The following MOK variants were observed in gnomAD, a reference collection of about 807,000 sequenced individuals.
The protein encoded by MOK is MAPK/MAK/MRK overlapping kinase.
In MOK, 59 loss-of-function variants were observed where a neutral mutation model predicts 54.2. The ratio of observed to expected loss-of-function variants is 1.09; its 90% CI spans 0.88 to 1.35. The LOEUF is 1.35. MOK is among the 40% of genes most tolerant of loss of function. The probability of loss-of-function intolerance (pLI) is 0.00; values close to 1 mark genes in which losing one functional copy is unlikely to be tolerated. For synonymous variants in MOK, 210 were observed against 202.7 expected (o/e 1.04, Z -0.31); for missense variants, 517 against 526.2 (o/e 0.98, Z 0.17).
intron 7 of MOK, chr14:102,246,191 C>A (rs1330741141): frequency 6.6e-6 from 1 of 152,116 alleles, no homozygotes; most frequent in African/African-American, 2.4e-5. Flanking sequence ...AACATTCCCA[C>A]ATCCTCCCTA....
At chr14:102,255,033 A>C (rs972259160) in intron 4 of MOK, among the ~76,000 whole-genome samples, 6 of 152,226 alleles carry the variant, frequency 3.9e-5, no homozygotes, top group Admixed American at 3.3e-4. Context: ...ATCACCTAGA[A>C]GTCTTTTAAA....
chr14:102,220,894 C>CT (rs753942062), downstream of MOK, among the ~76,000 whole-genome samples: 4 of 152,106 alleles, frequency 2.6e-5, no homozygotes, highest in Admixed American at 1.3e-4. This position sits in a 1 kb window ranked among gnomAD's most constrained non-coding sequence, Gnocchi z 4.2. Context: ...ACACAGCCTC[C>CT]TGAGTAGCTG....
In MOK at chr14:102,231,857, T is replaced by TGA. The variant is rs1241433137; in HGVS notation, c.867-38_867-37dup. On this transcript the variant is annotated intron_variant, in intron 9 of 11. Coordinates refer to ENST00000361847, the MANE Select transcript of MOK (RefSeq NM_014226.3). The surrounding 1 kb of genome is among the most constrained non-coding windows in gnomAD (Gnocchi z 4.4). ...GGAGAAGAGAATGGAGCAGCTCCAC[T>TGA]GAGAGCCCGCAGAGCACACGGCCTA... The TGA allele has an allele frequency of 1.3e-6, 2 of 1,574,262 alleles. No individual in the cohort carries two copies. The highest frequency in any genetic ancestry group is 1.7e-6 in the Non-Finnish European group (2 of 1,146,472).
rs150578240 is a variant in MOK at position 102,287,375 on chromosome 14, G to T, written c.8-3783C>A. ...TCCCAGCACTTTGGGAGGCCGAGACGGGCAGATCACGAGGTCAGGAGTTCA... is the reference window on the plus strand; with the variant it reads ...TCCCAGCACTTTGGGAGGCCGAGACTGGCAGATCACGAGGTCAGGAGTTCA... On this transcript the variant is annotated intron_variant, in intron 1 of 11. Coordinates refer to ENST00000361847, the MANE Select transcript of MOK (RefSeq NM_014226.3). 1.5e-3 allele frequency among the ~76,000 whole-genome samples: 230 copies of T among 152,196 alleles called. 1 individual carries two copies. Among genetic ancestry groups the T allele is most frequent in the African/African-American group, 5.2e-3 (218 of 41,530 alleles).
downstream of MOK, chr14:102,222,752 C>G: frequency 2.6e-6 from 4 of 1,523,576 alleles, no homozygotes; most frequent in East Asian, 6.8e-5. The surrounding 1 kb of genome is among the most constrained non-coding windows in gnomAD (Gnocchi z 4.4). Flanking sequence ...CCACGTGGAG[C>G]TGCTGGCGGA....
At chr14:102,266,831 C>A (rs1408913349) in intron 2 of MOK, among the ~76,000 whole-genome samples, 1 of 152,202 alleles carries the variant, frequency 6.6e-6, no homozygotes, top group Non-Finnish European at 1.5e-5. Flanking sequence ...ATCCACCCAC[C>A]TTGGCCTCCC....
chr14:102,256,466 C>A (rs1044332269), intron 4 of MOK, among the ~76,000 whole-genome samples: 4 of 151,236 alleles, frequency 2.6e-5, no homozygotes, highest in Non-Finnish European at 4.4e-5. Context: ...CCCAGCTACT[C>A]GGGAGGCTGA....
chr14:102,274,492 G>C (rs2068671015), intron 2 of MOK, among the ~76,000 whole-genome samples: 1 of 151,356 alleles, frequency 6.6e-6, no homozygotes, highest in East Asian at 2.0e-4. Context: ...CTGGGCTCAA[G>C]TGATCAGCCC....
At chr14:102,255,034 G>A (rs1458122413) in intron 4 of MOK, among the ~76,000 whole-genome samples, 1 of 152,128 alleles carries the variant, frequency 6.6e-6, no homozygotes, top group African/African-American at 2.4e-5. Flanking sequence ...TCACCTAGAA[G>A]TCTTTTAAAA....
intron 1 of MOK, among the ~76,000 whole-genome samples, chr14:102,287,505 G>C (rs1267610601): frequency 6.6e-6 from 1 of 152,064 alleles, no homozygotes; most frequent in Admixed American, 6.6e-5. Flanking sequence ...CTTATATCTA[G>C]AATATATAAA....
intron 4 of MOK, among the ~76,000 whole-genome samples, chr14:102,255,626 C>CCCTT (rs1567177875): frequency 6.6e-6 from 1 of 152,160 alleles, no homozygotes; most frequent in Non-Finnish European, 1.5e-5. Flanking sequence ...GGAGACCACA[C>CCCTT]CCTTGCAAAG....
At chr14:102,242,560 C>G (rs995133245) in intron 7 of MOK, among the ~76,000 whole-genome samples, 2 of 152,058 alleles carry the variant, frequency 1.3e-5, no homozygotes, top group Non-Finnish European at 2.9e-5. Flanking sequence ...CCTTACTATC[C>G]CATTAAAACC....
At chr14:102,218,697 C>T in the MOK span, among the ~76,000 whole-genome samples, 2 of 151,882 alleles carry the variant, frequency 1.3e-5, no homozygotes, top group African/African-American at 4.9e-5. Flanking sequence ...AAAACAGTGA[C>T]TCTGCGGGGA....
intron 7 of MOK, among the ~76,000 whole-genome samples, chr14:102,242,005 C>T (rs1430075020): frequency 6.6e-6 from 1 of 152,230 alleles, no homozygotes; most frequent in African/African-American, 2.4e-5. Context: ...ATCGGACTGT[C>T]CAACTCGCCC....
rs1183009751 is a variant in MOK, at chr14:102,249,938, G to A, written c.590+874C>T. 6.6e-6 allele frequency among the ~76,000 whole-genome samples: 1 copy of A among 152,148 alleles called. No individual in the cohort carries two copies. Among genetic ancestry groups the A allele is most frequent in the Non-Finnish European group, 1.5e-5 (1 of 68,034 alleles). On this transcript the variant is annotated intron_variant, in intron 7 of 11. Transcript: ENST00000361847. This position sits in a 1 kb window ranked among gnomAD's most constrained non-coding sequence, Gnocchi z 5.3. The stretch of plus-strand genomic sequence containing the variant: ...TTTGGTGGCTGGTGCACCGTGGGCC[G>A]TCTTGTGCGCTGGTGAGATACAGGT...
chr14:102,215,879 A>G, the MOK span, among the ~76,000 whole-genome samples: 1 of 152,206 alleles, frequency 6.6e-6, no homozygotes, highest in South Asian at 2.1e-4. Context: ...CAGACGACGT[A>G]GCTGATCTGA....
intron 1 of MOK, among the ~76,000 whole-genome samples, chr14:102,303,239 C>T (rs1423904339): frequency 2.0e-5 from 3 of 148,190 alleles, no homozygotes; most frequent in Admixed American, 1.3e-4. Flanking sequence ...AAAACTGCAA[C>T]GAACTGACAT....
intron 1 of MOK, among the ~76,000 whole-genome samples, chr14:102,298,915 G>C (rs973875225): frequency 6.6e-6 from 1 of 152,120 alleles, no homozygotes; most frequent in Non-Finnish European, 1.5e-5. Context: ...CCTTCAGAGC[G>C]ATAACACTCA....
intron 7 of MOK, among the ~76,000 whole-genome samples, chr14:102,244,839 T>C (rs1049078173): frequency 1.3e-5 from 2 of 152,170 alleles, no homozygotes; most frequent in Non-Finnish European, 2.9e-5. Flanking sequence ...CTCAGGCTCT[T>C]GGTATTCAGT....
Sources: gnomAD v4.1 joint callset for allele counts (sites outside exome capture counted in the v4.1 genomes callset) on GRCh38, gnomAD v4.1.1 for gene constraint, Gnocchi (gnomAD v3.1) non-coding constraint, MANE v1.5 for transcripts, NCBI Gene and HGNC (gene_info 2026-07-23, HGNC 2026-07-21) for gene names.